LIMK1: variants seen among roughly 807,000 people sequenced by gnomAD.
LIMK1 encodes the protein LIM domain kinase 1.
LIMK1 carries 21 observed loss-of-function variants against 77.6 expected under a neutral mutation model. The ratio of observed to expected loss-of-function variants is 0.27; its 90% CI spans 0.19 to 0.39. The LOEUF is 0.39. Among genes scored for constraint, LIMK1 ranks in the 10% least tolerant of loss-of-function variants. The pLI, the probability that LIMK1 is intolerant of heterozygous loss-of-function variation, is 1.00. For synonymous variants in LIMK1, 358 were observed against 370.0 expected, an observed-to-expected ratio of 0.97 and a Z score of 0.37; for missense variants, 696 against 901.6, an observed-to-expected ratio of 0.77 and a Z score of 2.92.
intron 2 of LIMK1, among the ~76,000 whole-genome samples, chr7:74,095,443 T>A (rs985498838): frequency 3.9e-5 from 6 of 152,168 alleles, no homozygotes; most frequent in Non-Finnish European, 7.3e-5. Flanking sequence ...GGTCTTGCTG[T>A]GTCACCCAGC....
intron 3 of LIMK1, 90 bp downstream of exon 3, chr7:74,096,850 CT>C: frequency 1.4e-6 from 2 of 1,468,344 alleles, no homozygotes; most frequent in Non-Finnish European, 9.2e-7. Flanking sequence ...ATTGTCTCTC[CT>C]GGTCTCCTTT....
At position 74,106,139 on chromosome 7, in the gene LIMK1, C is replaced by G. The variant is rs114211869; in HGVS notation, c.777C>G (p.His259Gln). 8.6e-4 allele frequency: 1,393 copies of G among 1,614,106 alleles called. 9 individuals carry two copies. In the African/African-American group the frequency reaches 0.012, roughly 14 times the overall value. The change falls in exon 7 of 16, where the codon CAC (histidine) becomes CAG (glutamine). Residue 259 changes from histidine (H) to glutamine (Q), a missense_variant. His to Gln is a conservative substitution (Grantham distance 24). Coordinates refer to ENST00000336180, the MANE Select transcript of LIMK1 (RefSeq NM_002314.4). ...LLQLTLEHDPHDTLGHGLGPE... is the reference protein window; with the variant it reads ...LLQLTLEHDPQDTLGHGLGPE... ...AGCTGACCCTCGAGCATGACCCTCA[C>G]GATACACTGGGCCACGGGCTGGGGC... is the stretch of plus-strand genomic sequence containing the variant.
rs1799408428 is a variant in LIMK1, at chr7:74,099,325, A to T, written c.608+87A>T. 5.3e-6 allele frequency: 7 copies of T among 1,325,036 alleles called. No homozygotes were observed. The South Asian group carries it at 8.5e-5, about 16-fold the overall frequency. 82.1% of individuals were successfully genotyped at this position (1,325,036 alleles called of 1,614,324 possible). On this transcript the variant is annotated intron_variant, in intron 5 of 15. Transcript: ENST00000336180. Reference sequence around the variant, plus strand: ...GAGTCTGGCACTGGGGGCCCTGAAAATGAATGGGCGAGTGTTTGGGTACAG... The same window carrying T: ...GAGTCTGGCACTGGGGGCCCTGAAATTGAATGGGCGAGTGTTTGGGTACAG...
chr7:74,119,673 C>T (rs1799892988), intron 13 of LIMK1, among the ~76,000 whole-genome samples: 1 of 151,092 alleles, frequency 6.6e-6, no homozygotes, highest in Non-Finnish European at 1.5e-5. Context: ...TTTGGGAGGC[C>T]GAGGCGGGCA....
intron 4 of LIMK1, among the ~76,000 whole-genome samples, chr7:74,098,305 C>T (rs1421801866): frequency 6.6e-6 from 1 of 152,172 alleles, no homozygotes; most frequent in Non-Finnish European, 1.5e-5. Flanking sequence ...GAGTCTCCCT[C>T]CCAGGAATCA....
intron 12 of LIMK1, among the ~76,000 whole-genome samples, chr7:74,114,600 C>T (rs917000401): frequency 1.3e-5 from 2 of 150,812 alleles, no homozygotes; most frequent in Admixed American, 6.6e-5. Context: ...ACATAGACCT[C>T]ACCTGCTTAT....
chr7:74,107,850 A>G, intron 8 of LIMK1, 21 bp from the exon 9 acceptor site: 1 of 1,551,308 alleles, frequency 6.4e-7, no homozygotes, highest in Non-Finnish European at 8.7e-7. Flanking sequence ...CTGTCTTCAC[A>G]CCTCTGTGTC....
At chr7:74,101,603 T>C (rs1181410232) in intron 5 of LIMK1, among the ~76,000 whole-genome samples, 2 of 152,202 alleles carry the variant, frequency 1.3e-5, no homozygotes, top group Admixed American at 1.3e-4. Context: ...ATCCCAGTTC[T>C]GCAAAGAGCC....
intron 2 of LIMK1, chr7:74,093,232 C>G (rs1799273106): frequency 2.0e-6 from 3 of 1,535,736 alleles, no homozygotes; most frequent in Non-Finnish European, 2.6e-6. Context: ...TCCAGAGCCC[C>G]CAGTGTAGCC....
rs782232722 is a variant in LIMK1, at chr7:74,083,971, C to G, written c.-20C>G. On this transcript the variant is annotated 5_prime_UTR_variant, in exon 1 of 16. Transcript: ENST00000336180. ...CGCCCCCAGCCCCAGCCCCGCCGGG[C>G]CCCGCCCCCCGTCGAGTGCATGAGG... The G allele has an allele frequency of 2.3e-6, 3 of 1,285,802 alleles. No individual in the cohort carries two copies. The highest frequency in any genetic ancestry group is 3.0e-6 in the Non-Finnish European group (3 of 986,362). 79.6% of individuals were successfully genotyped at this position (1,285,802 alleles called of 1,614,324 possible).
chr7:74,121,365 G>T lies in LIMK1; in HGVS notation c.*64G>T. 7.0e-7 allele frequency: 1 copy of T among 1,425,276 alleles called. No homozygotes were observed. Among genetic ancestry groups the T allele is most frequent in the Non-Finnish European group, 9.3e-7 (1 of 1,069,940 alleles). The allele number at this position is 1,425,276 out of a possible 1,614,324, so 88.3% of individuals were successfully genotyped here. On this transcript the variant is annotated 3_prime_UTR_variant, in exon 16 of 16. Transcript: ENST00000336180. ...GAATCCACCCCCACCAGATTCCTCC[G>T]CGGGAGGTGGCCCTCAGCTGGGACA...
chr7:74,088,896 G>A (rs547856545), intron 2 of LIMK1, among the ~76,000 whole-genome samples: 53 of 152,076 alleles, frequency 3.5e-4, no homozygotes, highest in Middle Eastern at 6.8e-3. Context: ...CCAGTGGGCC[G>A]GTGGTGGTAT....
chr7:74,121,188 C>G lies in LIMK1; in HGVS notation c.1831C>G (p.Leu611Val), dbSNP rs1799930407. The G allele has an allele frequency of 6.2e-7, 1 of 1,613,178 alleles. No homozygotes were observed. Among genetic ancestry groups the G allele is most frequent in the South Asian group, 1.1e-5 (1 of 91,078 alleles). Residue 611 changes from leucine (L) to valine (V), a missense_variant, in exon 16 of 16, where the codon CTG becomes GTG. Around this residue, in one of 3 missense-constraint regions of LIMK1, gnomAD observed 438 missense variants for 602.3 expected, o/e 0.73. Transcript: ENST00000336180. ...EHWLETLRMH[L>V]AGHLPLGPQL... The stretch of plus-strand genomic sequence containing the variant: ...CTGGCTGGAGACCCTCCGCATGCAC[C>G]TGGCCGGCCACCTGCCACTGGGCCC...
intron 2 of LIMK1, among the ~76,000 whole-genome samples, chr7:74,089,780 A>C (rs79920203): frequency 0.023 from 3,432 of 152,200 alleles, 59 homozygotes; most frequent in Non-Finnish European, 0.039. Context: ...AAAGTCAGAA[A>C]AAACGGCCGC....
intron 15 of LIMK1, 28 bp from the exon 16 acceptor site, chr7:74,121,111 C>T: frequency 1.2e-6 from 2 of 1,606,254 alleles, no homozygotes; most frequent in East Asian, 2.2e-5. Flanking sequence ...CAGCCAGACC[C>T]ACCGTTCCCC....
chr7:74,114,449 G>A (rs1261663832), intron 12 of LIMK1, among the ~76,000 whole-genome samples: 1 of 151,692 alleles, frequency 6.6e-6, no homozygotes, highest in Non-Finnish European at 1.5e-5. Flanking sequence ...TACTCAGGAG[G>A]TGGAGGTGGG....
In LIMK1 at chr7:74,121,343, T is replaced by C. The variant is rs1346375923; in HGVS notation, c.*42T>C. ...TGCCCCTGTCCCCACCTCTGGAGAA[T>C]CCACCCCCACCAGATTCCTCCGCGG... is the stretch of plus-strand genomic sequence containing the variant. On this transcript the variant is annotated 3_prime_UTR_variant, in exon 16 of 16. Coordinates refer to ENST00000336180, the MANE Select transcript of LIMK1 (RefSeq NM_002314.4). The C allele has an allele frequency of 1.3e-6, 2 of 1,502,394 alleles. No individual in the cohort carries two copies. The highest frequency in any genetic ancestry group is 4.9e-5 in the East Asian group (2 of 40,744). The allele number at this position is 1,502,394 out of a possible 1,614,324, so 93.1% of individuals were successfully genotyped here.
Position 74,121,554 on chromosome 7 carries a change from C to T in LIMK1, c.*253C>T, listed in dbSNP as rs554417441. The T allele has an allele frequency of 1.0e-4, 50 of 479,788 alleles. No individual in the cohort carries two copies. The highest frequency in any genetic ancestry group is 8.1e-4 in the African/African-American group (41 of 50,930). The allele number at this position is 479,788 out of a possible 1,614,324, so 29.7% of individuals were successfully genotyped here. On this transcript the variant is annotated 3_prime_UTR_variant, in exon 16 of 16. Coordinates refer to ENST00000336180, the MANE Select transcript of LIMK1 (RefSeq NM_002314.4). ...AACCTCTGTCTTGGCAGGGCTGTCC[C>T]CTCTTGCTTCTCCTTGCATGAGCTG...
rs782617443 is a variant in LIMK1, at chr7:74,109,007, G to A, written c.1255G>A (p.Gly419Ser). The A allele has an allele frequency of 2.5e-6, 4 of 1,613,870 alleles. No homozygotes were observed. The highest frequency in any genetic ancestry group is 1.1e-5 in the South Asian group (1 of 91,064). Reference sequence around the variant, plus strand: ...CTTCATCACTGAGTACATCAAGGGCGGCACGCTCCGGGGCATCATCAAGAG... The same window carrying A: ...CTTCATCACTGAGTACATCAAGGGCAGCACGCTCCGGGGCATCATCAAGAG... ...LNFITEYIKG[G>S]TLRGIIKSMD... Residue 419 changes from glycine (G) to serine (S), a missense_variant, in exon 10 of 16, where the codon GGC (glycine) becomes AGC (serine). Gly to Ser is a moderately conservative substitution (Grantham distance 56). This residue lies in a region of LIMK1 where 438 missense variants were observed against 602.3 expected (regional missense o/e 0.73). Transcript: ENST00000336180.
Sources: gnomAD v4.1 joint callset for allele counts (sites outside exome capture counted in the v4.1 genomes callset) on GRCh38, gnomAD v4.1.1 for gene constraint, gnomAD v4.1.1 regional missense constraint, MANE v1.5 for transcripts, NCBI Gene and HGNC (gene_info 2026-07-23, HGNC 2026-07-21) for gene names.